The following CHST9 variants were observed in gnomAD, a reference collection of about 807,000 sequenced individuals.
CHST9 encodes GalNAc-4-sulfotransferase 2.
CHST9 carries 41 observed loss-of-function variants against 44.4 expected under a neutral mutation model. The observed-to-expected ratio is 0.92, with a 90% CI of 0.72 to 1.20. The LOEUF (loss-of-function observed/expected upper bound fraction) is 1.20. Among genes scored for constraint, CHST9 ranks in the 50% most tolerant of loss-of-function variants. The pLI, the probability that CHST9 is intolerant of heterozygous loss-of-function variation, is 0.00. For synonymous variants in CHST9, 171 were observed against 178.4 expected (o/e 0.96, Z 0.33); for missense variants, 504 against 516.5 (o/e 0.98, Z 0.23).
intron 1 of CHST9, among the ~76,000 whole-genome samples, chr18:27,178,234 C>T (rs938117404): frequency 1.3e-5 from 2 of 151,912 alleles, no homozygotes; most frequent in African/African-American, 4.8e-5. Context: ...TCCTTCTATG[C>T]AGAGAATTTT....
intron 2 of CHST9, among the ~76,000 whole-genome samples, chr18:27,128,026 A>G (rs2058440052): frequency 6.6e-6 from 1 of 152,170 alleles, no homozygotes; most frequent in African/African-American, 2.4e-5. Context: ...AACAGGAGGG[A>G]AAAAGCTCAG....
At chr18:27,133,172 T>C (rs2058486155) in intron 2 of CHST9, among the ~76,000 whole-genome samples, 1 of 152,230 alleles carries the variant, frequency 6.6e-6, no homozygotes, top group South Asian at 2.1e-4. Flanking sequence ...GGTTACATTG[T>C]AATATGGCAG....
rs556194203 is a variant in CHST9, at chr18:26,958,899, A to C, written c.203-14533T>G. Among the ~76,000 whole-genome samples the C allele has an allele frequency of 1.8e-3, 279 of 152,362 alleles. 1 individual carries two copies. The highest frequency in any genetic ancestry group is 0.01 in the Middle Eastern group (3 of 294). On this transcript the variant is annotated intron_variant, in intron 4 of 5. Transcript: ENST00000618847. ...TGTAAATTAGTTCAGCCACTGTGGA[A>C]AGCAGTTTGAAGATTTCTCAAAAAA...
At chr18:26,985,140 A>G (rs1568121141) in intron 4 of CHST9, among the ~76,000 whole-genome samples, 2 of 152,232 alleles carry the variant, frequency 1.3e-5, no homozygotes, top group Non-Finnish European at 2.9e-5. Context: ...GTACATCAAC[A>G]TAAGAGAAAA....
chr18:26,944,160 G>A (rs757531027), intron 5 of CHST9, among the ~76,000 whole-genome samples, 169 bp downstream of exon 5: 27 of 152,122 alleles, frequency 1.8e-4, no homozygotes, highest in Admixed American at 1.4e-3. Context: ...CAAAGAAAGC[G>A]CATGGTCATC....
intron 2 of CHST9, among the ~76,000 whole-genome samples, chr18:27,121,385 C>G (rs530111344): frequency 1.0e-3 from 158 of 152,250 alleles, no homozygotes; most frequent in African/African-American, 3.8e-3. Context: ...CCTACTCCCC[C>G]TCCCTGTTGA....
At chr18:26,922,778 G>A (rs1473681403) in intron 5 of CHST9, among the ~76,000 whole-genome samples, 1 of 152,072 alleles carries the variant, frequency 6.6e-6, no homozygotes, top group Non-Finnish European at 1.5e-5. Context: ...TGGGATTACA[G>A]GCGCATGCCA....
At chr18:27,075,989 A>T (rs886917743) in intron 2 of CHST9, among the ~76,000 whole-genome samples, 6 of 152,220 alleles carry the variant, frequency 3.9e-5, no homozygotes, top group Non-Finnish European at 7.3e-5. Flanking sequence ...CTGAAACCCG[A>T]GTAGCCATTG....
chr18:27,091,204 G>C (rs1013271675), intron 2 of CHST9, among the ~76,000 whole-genome samples: 1 of 152,202 alleles, frequency 6.6e-6, no homozygotes, highest in Non-Finnish European at 1.5e-5. Flanking sequence ...TCTCTTTGTA[G>C]CACTTGTGAA....
intron 2 of CHST9, among the ~76,000 whole-genome samples, chr18:27,078,736 A>G (rs987114145): frequency 6.6e-6 from 1 of 152,102 alleles, no homozygotes; most frequent in African/African-American, 2.4e-5. Context: ...CTGTATAAAG[A>G]GCTGAAAAAG....
chr18:26,918,609 C>A (rs1035962280), intron 5 of CHST9, among the ~76,000 whole-genome samples: 2 of 152,018 alleles, frequency 1.3e-5, no homozygotes, highest in African/African-American at 4.8e-5. Context: ...ATAATAATTT[C>A]TCTCAAATAT....
At chr18:26,928,636 G>T (rs1182252670) in intron 5 of CHST9, among the ~76,000 whole-genome samples, 1 of 152,152 alleles carries the variant, frequency 6.6e-6, no homozygotes, top group East Asian at 1.9e-4. Context: ...AGAATATAGG[G>T]TGGATTATTG....
chr18:27,032,922 T>TA (rs1349881039), intron 3 of CHST9, among the ~76,000 whole-genome samples: 1 of 152,224 alleles, frequency 6.6e-6, no homozygotes, highest in Non-Finnish European at 1.5e-5. Flanking sequence ...CAGAAGTAGA[T>TA]ACAGCTTTGC....
intron 4 of CHST9, among the ~76,000 whole-genome samples, chr18:27,016,808 T>C (rs774909875): frequency 4.6e-5 from 7 of 152,234 alleles, no homozygotes; most frequent in Non-Finnish European, 1.0e-4. Context: ...GCACATATGA[T>C]ATTAAAGACT....
chr18:26,969,151 A>G (rs1412375033), intron 4 of CHST9, among the ~76,000 whole-genome samples: 2 of 151,952 alleles, frequency 1.3e-5, no homozygotes, highest in East Asian at 1.9e-4. Flanking sequence ...GGCGCCCGCC[A>G]CCGTGCCTGG....
intron 2 of CHST9, among the ~76,000 whole-genome samples, chr18:27,064,556 A>G (rs1029470215): frequency 1.3e-5 from 2 of 152,240 alleles, no homozygotes; most frequent in African/African-American, 2.4e-5. Flanking sequence ...GGATGGCGGA[A>G]CTATTCATTT....
At chr18:27,130,083 T>C (rs1404972756) in intron 2 of CHST9, among the ~76,000 whole-genome samples, 1 of 152,198 alleles carries the variant, frequency 6.6e-6, no homozygotes, top group African/African-American at 2.4e-5. Context: ...TTTTGTTACC[T>C]ACTGGCTATG....
At chr18:27,017,016 A>G (rs1237867264) in intron 4 of CHST9, among the ~76,000 whole-genome samples, 1 of 152,218 alleles carries the variant, frequency 6.6e-6, no homozygotes, top group Non-Finnish European at 1.5e-5. Flanking sequence ...TGATATAAAG[A>G]TCATTATCTA....
chr18:27,137,198 T>C (rs1446571155), intron 2 of CHST9, among the ~76,000 whole-genome samples: 1 of 151,416 alleles, frequency 6.6e-6, no homozygotes, highest in Non-Finnish European at 1.5e-5. Context: ...GATTTATACA[T>C]ATAATGAATA....
Sources: allele counts gnomAD v4.1 joint callset (sites outside exome capture counted in the v4.1 genomes callset), GRCh38; gene constraint gnomAD v4.1.1; transcripts MANE v1.5; gene names NCBI Gene and HGNC (gene_info 2026-07-23, HGNC 2026-07-21).